MIPOL1: variants seen among roughly 807,000 people sequenced by gnomAD.
The protein encoded by MIPOL1 is mirror-image polydactyly gene 1 protein.
Under a neutral mutation model 60.9 loss-of-function variants are expected in MIPOL1, and 57 were observed. That is an observed-to-expected ratio of 0.94 (90% CI 0.76 to 1.17). The LOEUF is 1.17. MIPOL1 is among the 50% of genes most tolerant of loss of function. The pLI is 0.00. For synonymous variants in MIPOL1, 179 were observed against 168.8 expected, an observed-to-expected ratio of 1.06 and a Z score of -0.47; for missense variants, 551 against 511.6, an observed-to-expected ratio of 1.08 and a Z score of -0.74.
chr14:37,275,542 G>A (rs1679553362), intron 6 of MIPOL1, among the ~76,000 whole-genome samples: 1 of 151,050 alleles, frequency 6.6e-6, no homozygotes. Context: ...AAAATAGCTT[G>A]TTCAATTAAA....
At chr14:37,432,166 G>A (rs1463905231) in intron 11 of MIPOL1, among the ~76,000 whole-genome samples, 1 of 152,076 alleles carries the variant, frequency 6.6e-6, no homozygotes, top group Non-Finnish European at 1.5e-5. Flanking sequence ...TTAAGTAACA[G>A]CTATTCTATT....
intron 10 of MIPOL1, among the ~76,000 whole-genome samples, chr14:37,372,475 C>T (rs1207970509): frequency 6.6e-6 from 1 of 151,834 alleles, no homozygotes; most frequent in East Asian, 1.9e-4. Flanking sequence ...TTTTGCAGGC[C>T]AGGCGTGGTG....
chr14:37,261,726 A>G (rs1338480077), intron 3 of MIPOL1, among the ~76,000 whole-genome samples: 2 of 152,268 alleles, frequency 1.3e-5, no homozygotes, highest in African/African-American at 2.4e-5. Context: ...ACACTTTTCT[A>G]AAAGATTTAT....
intron 1 of MIPOL1, among the ~76,000 whole-genome samples, chr14:37,229,703 T>C (rs1413447470): frequency 6.6e-6 from 1 of 152,170 alleles, no homozygotes; most frequent in Middle Eastern, 3.2e-3. Flanking sequence ...TGGTGATTGA[T>C]TTTAGGGGCT....
At chr14:37,335,193 A>G (rs2090014197) in intron 9 of MIPOL1, among the ~76,000 whole-genome samples, 2 of 151,834 alleles carry the variant, frequency 1.3e-5, no homozygotes, top group African/African-American at 2.4e-5. Context: ...TTTTATTATA[A>G]CCATCCCGGT....
intron 3 of MIPOL1, among the ~76,000 whole-genome samples, chr14:37,252,072 T>C (rs1974200319): frequency 6.6e-6 from 1 of 151,740 alleles, no homozygotes; most frequent in Non-Finnish European, 1.5e-5. Flanking sequence ...TAAGAAATGA[T>C]GAGAATTATA....
intron 12 of MIPOL1, chr14:37,523,645 C>G (rs1323878269): frequency 8.3e-6 from 3 of 361,406 alleles, no homozygotes; most frequent in Middle Eastern, 6.6e-4. Context: ...CCTAATTCAA[C>G]AGATTTTTTA....
At chr14:37,207,675 A>G (rs1966309503) in intron 1 of MIPOL1, among the ~76,000 whole-genome samples, 5 of 151,968 alleles carry the variant, frequency 3.3e-5, no homozygotes, top group Admixed American at 3.3e-4. Flanking sequence ...CCTCCCGAGT[A>G]GCTGGGATTA....
rs202172224 is a variant in MIPOL1, at chr14:37,458,656, T to TA, written c.1031+35717dup. On this transcript the variant is annotated intron_variant, in intron 11 of 12. Coordinates refer to ENST00000684589, the MANE Select transcript of MIPOL1 (RefSeq NM_001388067.1). ...AAACATGGGGAAACCCCGTCTCTAC[T>TA]AAAAAAAAAATACACACACACACAT... 6.0e-3 allele frequency among the ~76,000 whole-genome samples: 883 copies of TA among 147,174 alleles called. 6 individuals are homozygous for TA. The highest frequency in any genetic ancestry group is 0.018 in the African/African-American group (728 of 40,300).
intron 1 of MIPOL1, among the ~76,000 whole-genome samples, chr14:37,200,664 GTTTTTTT>G (rs559596328): frequency 9.0e-6 from 1 of 111,222 alleles, no homozygotes; most frequent in Non-Finnish European, 1.9e-5. Context: ...TTCCCAGTTA[GTTTTTTT>G]TTTTTTTTTT....
chr14:37,270,641 CT>C (rs66866056), intron 6 of MIPOL1, 116 bp downstream of exon 6: 9,506 of 210,684 alleles, frequency 0.045, no homozygotes, highest in East Asian at 0.07. Flanking sequence ...GGAAGCTCTC[CT>C]TTTTTTTTTT....
chr14:37,384,633 T>G (rs2093016749), intron 10 of MIPOL1, among the ~76,000 whole-genome samples: 1 of 151,972 alleles, frequency 6.6e-6, no homozygotes, highest in Non-Finnish European at 1.5e-5. Flanking sequence ...CCTCTCAAAA[T>G]AACCTCCAAG....
At chr14:37,202,246 A>G (rs1013023081) in intron 1 of MIPOL1, among the ~76,000 whole-genome samples, 1 of 152,132 alleles carries the variant, frequency 6.6e-6, no homozygotes, top group Admixed American at 6.6e-5. Flanking sequence ...TTTGATATGT[A>G]TAATTGTTTT....
At chr14:37,358,210 G>A (rs2091979772) in intron 9 of MIPOL1, among the ~76,000 whole-genome samples, 1 of 152,106 alleles carries the variant, frequency 6.6e-6, no homozygotes, top group Non-Finnish European at 1.5e-5. Context: ...TGGTGTATAT[G>A]TGCCACATTT....
intron 11 of MIPOL1, among the ~76,000 whole-genome samples, chr14:37,484,361 C>T (rs150283065): frequency 0.025 from 2,770 of 109,746 alleles, 91 homozygotes; most frequent in African/African-American, 0.092. Flanking sequence ...TTTTTTGAGA[C>T]GGAGTCTCGC....
intron 1 of MIPOL1, among the ~76,000 whole-genome samples, chr14:37,198,652 A>G (rs969553154): frequency 2.0e-5 from 3 of 151,938 alleles, no homozygotes; most frequent in African/African-American, 4.8e-5. Flanking sequence ...TTTAAGCTCT[A>G]TGGATGGAGG....
At chr14:37,220,603 A>G (rs1489681824) in intron 1 of MIPOL1, among the ~76,000 whole-genome samples, 1 of 152,170 alleles carries the variant, frequency 6.6e-6, no homozygotes, top group Non-Finnish European at 1.5e-5. Flanking sequence ...GGGTAAGTGA[A>G]CTGCAGCTTA....
intron 9 of MIPOL1, among the ~76,000 whole-genome samples, chr14:37,317,767 A>G (rs2415395): frequency 0.94 from 143,551 of 152,218 alleles, 68,068 homozygotes; most frequent in East Asian, 1. Flanking sequence ...GCAATTATTA[A>G]GGTTAGTGAT....
chr14:37,495,866 C>A (rs1052011792), intron 11 of MIPOL1, among the ~76,000 whole-genome samples: 27 of 151,322 alleles, frequency 1.8e-4, no homozygotes, highest in South Asian at 4.2e-4. Flanking sequence ...ATTTGCATTT[C>A]TCTGATGGCC....
Sources: gnomAD v4.1 joint callset for allele counts (sites outside exome capture counted in the v4.1 genomes callset) on GRCh38, gnomAD v4.1.1 for gene constraint, MANE v1.5 for transcripts, NCBI Gene and HGNC (gene_info 2026-07-23, HGNC 2026-07-21) for gene names.